The following LAMA2 variants were observed in gnomAD, a reference collection of about 807,000 sequenced individuals.
LAMA2 encodes laminin subunit alpha 2, also known as laminin subunit alpha-2.
In LAMA2, 269 loss-of-function variants were observed where a neutral mutation model predicts 364.8. The observed-to-expected ratio is 0.74, with a 90% CI of 0.67 to 0.82. The LOEUF (loss-of-function observed/expected upper bound fraction) is 0.82. Ranked by LOEUF, LAMA2 falls within the 40% of genes least tolerant of loss-of-function variation. The probability of loss-of-function intolerance (pLI) is 0.00; values close to 1 mark genes in which losing one functional copy is unlikely to be tolerated. For missense variants in LAMA2, 3,807 were observed against 3,873.2 expected (o/e 0.98, Z 0.45); for synonymous variants, 1,379 against 1,370.6 (o/e 1.01, Z -0.14).
At chr6:129,442,270 C>T (rs1315791485) in intron 43 of LAMA2, 1 of 1,258,368 alleles carries the variant, frequency 7.9e-7, no homozygotes. Context: ...ATTAATACGA[C>T]TCCTTCATGA....
rs138611498 is a variant in LAMA2 at position 129,512,622 on chromosome 6, G to A, written c.8988+129G>A. On this transcript the variant is annotated intron_variant, in intron 63 of 64. Coordinates refer to ENST00000421865, the MANE Select transcript of LAMA2 (RefSeq NM_000426.4). ...TTCTTTGTTGGGAGAAAGCTAAATT[G>A]TATGTTTTCATCCTTCTGGATTACT... The A allele has an allele frequency of 3.0e-5, 32 of 1,049,668 alleles. No individual in the cohort carries two copies. The African/African-American group carries it at 4.4e-4, about 14-fold the overall frequency. The allele number at this position is 1,049,668 out of a possible 1,614,324, so 65.0% of individuals were successfully genotyped here.
intron 12 of LAMA2, among the ~76,000 whole-genome samples, chr6:129,236,272 A>G (rs974218337): frequency 6.4e-4 from 98 of 152,252 alleles, no homozygotes; most frequent in African/African-American, 2.1e-3. Flanking sequence ...TTTCTGTGAG[A>G]TACTCAACTG....
chr6:128,953,759 G>A (rs1780984372), intron 1 of LAMA2, among the ~76,000 whole-genome samples: 1 of 151,978 alleles, frequency 6.6e-6, no homozygotes, highest in African/African-American at 2.4e-5. Flanking sequence ...CTTCCAAACT[G>A]ATAAAAGGAC....
chr6:129,047,780 G>C (rs1442936870), intron 1 of LAMA2, among the ~76,000 whole-genome samples: 1 of 152,052 alleles, frequency 6.6e-6, no homozygotes, highest in Non-Finnish European at 1.5e-5. Flanking sequence ...AAACTTAATA[G>C]TCAATACATA....
intron 4 of LAMA2, among the ~76,000 whole-genome samples, chr6:129,143,244 A>G (rs1000937169): frequency 2.6e-5 from 4 of 151,950 alleles, no homozygotes; most frequent in Admixed American, 6.6e-5. Flanking sequence ...TTCAGGTTTA[A>G]CATATTTTTT....
chr6:129,470,460 C>A (rs763122832), intron 51 of LAMA2, among the ~76,000 whole-genome samples: 1 of 151,680 alleles, frequency 6.6e-6, no homozygotes, highest in East Asian at 1.9e-4. Context: ...ATGGCTAAAA[C>A]CTGAGATGTG....
intron 10 of LAMA2, among the ~76,000 whole-genome samples, chr6:129,182,145 T>C (rs1178252178): frequency 6.6e-6 from 1 of 151,858 alleles, no homozygotes; most frequent in African/African-American, 2.4e-5. Context: ...AAAAACTTCA[T>C]GATACCTAAA....
intron 20 of LAMA2, among the ~76,000 whole-genome samples, chr6:129,295,390 G>T (rs1773107055): frequency 6.6e-6 from 1 of 151,932 alleles, no homozygotes; most frequent in Admixed American, 6.6e-5. Flanking sequence ...CACTGGGTCT[G>T]GATAGCCACT....
intron 1 of LAMA2, among the ~76,000 whole-genome samples, chr6:129,029,141 A>T (rs1786044754): frequency 6.6e-6 from 1 of 152,002 alleles, no homozygotes; most frequent in African/African-American, 2.4e-5. Context: ...CATATGGAAA[A>T]CTGATAAGCA....
intron 16 of LAMA2, among the ~76,000 whole-genome samples, chr6:129,269,614 C>T (rs534014884): frequency 1.2e-4 from 18 of 152,044 alleles, no homozygotes; most frequent in African/African-American, 4.3e-4. Flanking sequence ...ATTTTTGATT[C>T]AATTTTTTAA....
chr6:129,139,975 T>G (rs1351715053), intron 4 of LAMA2, among the ~76,000 whole-genome samples: 1 of 152,150 alleles, frequency 6.6e-6, no homozygotes, highest in African/African-American at 2.4e-5. Context: ...TTTCAAAGTT[T>G]CTGATACTTA....
rs764206848 is a variant in LAMA2, at chr6:129,315,856, G to A, written c.3830G>A (p.Arg1277Gln). The A allele has an allele frequency of 5.0e-6, 8 of 1,613,872 alleles. No individual in the cohort carries two copies. The highest frequency in any genetic ancestry group is 6.8e-6 in the Non-Finnish European group (8 of 1,179,950). Residue 1277 changes from arginine (R) to glutamine (Q), a missense_variant, in exon 26 of 65, where the codon CGA becomes CAA. Arg to Gln is a conservative substitution (Grantham distance 43). Transcript: ENST00000421865. The stretch of plus-strand genomic sequence containing the variant: ...ACATATAATCCTCAAGTGATCATTC[G>A]AGGTGGGACACCTACTCATGCTAGA... ...FSTYNPQVII[R>Q]GGTPTHARII...
chr6:129,129,348 C>T (rs1275186496), intron 4 of LAMA2, among the ~76,000 whole-genome samples: 1 of 152,170 alleles, frequency 6.6e-6, no homozygotes, highest in Admixed American at 6.5e-5. Context: ...TTAAAATTAA[C>T]TAATGTGTTA....
In LAMA2 at chr6:128,969,011, G is replaced by T. The variant is rs1206584771; in HGVS notation, c.113-80907G>T. Among the ~76,000 whole-genome samples the T allele has an allele frequency of 2.0e-5, 3 of 152,186 alleles. No individual in the cohort carries two copies. The South Asian group carries it at 6.2e-4, about 31-fold the overall frequency. ...AATGCTTCTACAGAAGACTTTGGTAGGTTCGGTTTCTATAATTTCCAAGCT... is the reference window on the plus strand; with the variant it reads ...AATGCTTCTACAGAAGACTTTGGTATGTTCGGTTTCTATAATTTCCAAGCT... On this transcript the variant is annotated intron_variant, in intron 1 of 64. Transcript: ENST00000421865.
At chr6:129,313,343 A>G (rs1028859926) in intron 23 of LAMA2, among the ~76,000 whole-genome samples, 7 of 152,062 alleles carry the variant, frequency 4.6e-5, no homozygotes, top group African/African-American at 7.2e-5. Flanking sequence ...GAGATGATCT[A>G]TTTTCAATGG....
intron 12 of LAMA2, among the ~76,000 whole-genome samples, chr6:129,225,949 T>C (rs1405992493): frequency 1.3e-5 from 2 of 152,102 alleles, no homozygotes; most frequent in Non-Finnish European, 2.9e-5. Flanking sequence ...AAGTCTCCCA[T>C]TATTATTGTG....
chr6:129,448,665 C>A (rs906342769), intron 45 of LAMA2, among the ~76,000 whole-genome samples: 8 of 152,104 alleles, frequency 5.3e-5, no homozygotes, highest in Non-Finnish European at 8.8e-5. Context: ...CAGTGAAAAT[C>A]CAATAGATAT....
chr6:129,249,736 G>A (rs1041282728), intron 12 of LAMA2, among the ~76,000 whole-genome samples: 4 of 152,272 alleles, frequency 2.6e-5, no homozygotes, highest in South Asian at 4.1e-4. Flanking sequence ...TTTCTGGTCA[G>A]ATGGTTAGAA....
intron 37 of LAMA2, among the ~76,000 whole-genome samples, chr6:129,395,245 T>TGGC: frequency 6.6e-6 from 1 of 152,226 alleles, no homozygotes; most frequent in South Asian, 2.1e-4. Context: ...AGCTGCATTT[T>TGGC]AAATAAATAA....
Sources: allele counts gnomAD v4.1 joint callset (sites outside exome capture counted in the v4.1 genomes callset), GRCh38; gene constraint gnomAD v4.1.1; transcripts MANE v1.5; gene names NCBI Gene and HGNC (gene_info 2026-07-23, HGNC 2026-07-21).